SAE1: variants seen among roughly 807,000 people sequenced by gnomAD.
SAE1 encodes SUMO-activating enzyme subunit 1.
SAE1 carries 11 observed loss-of-function variants against 40.6 expected under a neutral mutation model. That is an observed-to-expected ratio of 0.27 (90% confidence interval 0.17 to 0.45). SAE1 has a LOEUF of 0.45. SAE1 is among the 20% of genes least tolerant of loss of function. SAE1 has a pLI of 1.00. For synonymous variants in SAE1, 155 were observed against 154.3 expected, an observed-to-expected ratio of 1.00 and a Z score of -0.03; for missense variants, 373 against 427.3, an observed-to-expected ratio of 0.87 and a Z score of 1.12.
chr19:47,188,856 T>C (rs1052977613), intron 6 of SAE1, among the ~76,000 whole-genome samples: 1 of 152,136 alleles, frequency 6.6e-6, no homozygotes, highest in Non-Finnish European at 1.5e-5. Context: ...AGGCAAATAT[T>C]CAGAGACTAT....
intron 7 of SAE1, 48 bp from the exon 8 acceptor site, chr19:47,203,623 A>G: frequency 6.4e-7 from 1 of 1,550,504 alleles, no homozygotes; most frequent in Non-Finnish European, 8.9e-7. Context: ...TGTCATGGTC[A>G]CAGTTCTGTT....
chr19:47,132,607 C>T (rs906845116), intron 1 of SAE1, among the ~76,000 whole-genome samples: 8 of 151,714 alleles, frequency 5.3e-5, no homozygotes, highest in Admixed American at 2.6e-4. Flanking sequence ...TTAGCCTGGA[C>T]GCAGTGACTC....
intron 6 of SAE1, among the ~76,000 whole-genome samples, chr19:47,178,757 C>T (rs547717790): frequency 1.3e-5 from 2 of 152,216 alleles, no homozygotes; most frequent in Non-Finnish European, 2.9e-5. Flanking sequence ...TAGGCATGAG[C>T]CATCGTGCAT....
At chr19:47,164,914 A>G (rs2123240628) in intron 5 of SAE1, among the ~76,000 whole-genome samples, 1 of 151,352 alleles carries the variant, frequency 6.6e-6, no homozygotes, top group Non-Finnish European at 1.5e-5. Flanking sequence ...AGCCTCCCAA[A>G]GTGCTGGGAT....
At chr19:47,204,037 G>T (rs1366250371) in intron 8 of SAE1, among the ~76,000 whole-genome samples, 1 of 152,014 alleles carries the variant, frequency 6.6e-6, no homozygotes, top group African/African-American at 2.4e-5. Flanking sequence ...ATTGGTCAGG[G>T]ATTCTGCTTC....
intron 6 of SAE1, among the ~76,000 whole-genome samples, chr19:47,193,558 A>G (rs929134471): frequency 1.3e-5 from 2 of 151,130 alleles, no homozygotes; most frequent in African/African-American, 2.4e-5. Flanking sequence ...GCTGTGGCTC[A>G]CGCCTGTAAT....
chr19:47,195,898 T>A (rs2058611211), intron 6 of SAE1, among the ~76,000 whole-genome samples: 2 of 135,744 alleles, frequency 1.5e-5, no homozygotes. Context: ...CTTGGCTAAA[T>A]TTTTTTTTTT....
intron 7 of SAE1, 80 bp from the exon 8 acceptor site, chr19:47,203,591 C>G (rs906791989): frequency 3.1e-6 from 4 of 1,270,154 alleles, no homozygotes; most frequent in African/African-American, 1.5e-5. Context: ...TTCAGGAGAG[C>G]CTACTACTGA....
intron 2 of SAE1, among the ~76,000 whole-genome samples, chr19:47,146,876 T>C (rs2058257965): frequency 6.6e-6 from 1 of 151,942 alleles, no homozygotes; most frequent in Non-Finnish European, 1.5e-5. Context: ...CAGGCAGACA[T>C]GTAGGGTTTA....
chr19:47,172,757 G>A, intron 6 of SAE1, among the ~76,000 whole-genome samples: 1 of 150,724 alleles, frequency 6.6e-6, no homozygotes, highest in East Asian at 1.9e-4. Context: ...GAGTTGAAAA[G>A]TGTACACGCC....
intron 1 of SAE1, 122 bp downstream of exon 1, chr19:47,131,150 T>C: frequency 2.1e-6 from 3 of 1,429,446 alleles, no homozygotes; most frequent in Non-Finnish European, 1.8e-6. Flanking sequence ...TTCTGTGCTC[T>C]GGGATCGTCT....
intron 3 of SAE1, among the ~76,000 whole-genome samples, chr19:47,152,032 C>T (rs2058291374): frequency 6.6e-6 from 1 of 152,222 alleles, no homozygotes; most frequent in Non-Finnish European, 1.5e-5. Context: ...TTCTTTGAAA[C>T]ACCAAAGGAA....
In SAE1 at chr19:47,201,360, C is replaced by CTTTTTTTTTTTTTTTT. The variant is rs57568797; in HGVS notation, c.879-2297_879-2282dup. On this transcript the variant is annotated intron_variant, in intron 7 of 8. Transcript: ENST00000270225. The stretch of plus-strand genomic sequence containing the variant: ...CTGCACCTGGCCTGTTATCTGGTTC[C>CTTTTTTTTTTTTTTTT]TTTTTTTTTTTTTTTTTTTTTTTTT... Among the ~76,000 whole-genome samples the CTTTTTTTTTTTTTTTT allele has an allele frequency of 2.3e-4, 15 of 66,230 alleles. 3 individuals are homozygous for CTTTTTTTTTTTTTTTT. The highest frequency in any genetic ancestry group is 6.7e-4 in the Admixed American group (3 of 4,510). The allele number at this position is 66,230 out of a possible 152,430, so 43.4% of individuals were successfully genotyped here.
At chr19:47,131,067 G>A in intron 1 of SAE1, 39 bp downstream of exon 1, 3 of 1,499,308 alleles carry the variant, frequency 2.0e-6, no homozygotes, top group Non-Finnish European at 2.7e-6. Context: ...AGGGTCTGGA[G>A]GGGGCGTCTA....
chr19:47,185,688 G>T (rs890594224), intron 6 of SAE1, among the ~76,000 whole-genome samples: 3 of 151,696 alleles, frequency 2.0e-5, no homozygotes, highest in Non-Finnish European at 4.4e-5. Context: ...TGCAACCTCC[G>T]CCTCCTGGGT....
chr19:47,164,731 C>G (rs1368462686), intron 5 of SAE1, among the ~76,000 whole-genome samples: 1 of 145,836 alleles, frequency 6.9e-6, no homozygotes, highest in East Asian at 2.1e-4. Context: ...TCACTGCAAC[C>G]TCTGCCTCCC....
chr19:47,133,848 G>A (rs569217236), intron 1 of SAE1, among the ~76,000 whole-genome samples: 1 of 151,124 alleles, frequency 6.6e-6, no homozygotes, highest in South Asian at 2.1e-4. Context: ...TTAGGTTTCA[G>A]ATTTGTTTTT....
chr19:47,131,269 G>C (rs907707443), intron 1 of SAE1, among the ~76,000 whole-genome samples: 1 of 152,138 alleles, frequency 6.6e-6, no homozygotes, highest in Non-Finnish European at 1.5e-5. Flanking sequence ...GCGTTGGGGA[G>C]TCCTGAGAGA....
chr19:47,204,500 A>ACCC lies in SAE1; in HGVS notation c.948+767_948+769dup, dbSNP rs35006784. 1.2e-3 allele frequency among the ~76,000 whole-genome samples: 120 copies of ACCC among 97,552 alleles called. 2 individuals carry two copies. Among genetic ancestry groups the ACCC allele is most frequent in the East Asian group, 3.1e-3 (10 of 3,270 alleles). The allele number at this position is 97,552 out of a possible 152,430, so 64.0% of individuals were successfully genotyped here. ...GGCATGAGCCACTGTACCCAGCCGC[A>ACCC]CCCCCCCCCTTTTTTTTTTTTTTTG... is the stretch of plus-strand genomic sequence containing the variant. On this transcript the variant is annotated intron_variant, in intron 8 of 8. Coordinates refer to ENST00000270225, the MANE Select transcript of SAE1 (RefSeq NM_005500.3).
Sources: gnomAD v4.1 joint callset for allele counts (sites outside exome capture counted in the v4.1 genomes callset) on GRCh38, gnomAD v4.1.1 for gene constraint, MANE v1.5 for transcripts, NCBI Gene and HGNC (gene_info 2026-07-23, HGNC 2026-07-21) for gene names.